The following FHIP2A variants were observed in gnomAD, a reference collection of about 807,000 sequenced individuals.
The protein encoded by FHIP2A is FHF complex subunit HOOK interacting protein 2A.
A neutral mutation model predicts 93.5 loss-of-function variants in FHIP2A; 46 were observed. That is an observed-to-expected ratio of 0.49 (90% confidence interval 0.39 to 0.63). The LOEUF (loss-of-function observed/expected upper bound fraction) is 0.63. FHIP2A is among the 20% of genes least tolerant of loss of function. The pLI is 0.00. For synonymous variants in FHIP2A, 332 were observed against 326.5 expected, an observed-to-expected ratio of 1.02 and a Z score of -0.18; for missense variants, 769 against 909.7, an observed-to-expected ratio of 0.85 and a Z score of 1.99.
Position 114,833,404 on chromosome 10 carries a change from T to C in FHIP2A, c.294+2T>C. ...TTATATACCTTGGGGAAAGCTGATGTAAGTTCCTGATCCACACCATGTTCT... is the reference window on the plus strand; with the variant it reads ...TTATATACCTTGGGGAAAGCTGATGCAAGTTCCTGATCCACACCATGTTCT... On this transcript the variant is annotated splice_donor_variant, in intron 3 of 16. Coordinates refer to ENST00000369248, the MANE Select transcript of FHIP2A (RefSeq NM_020940.4). LOFTEE classifies it high-confidence loss of function. 6.2e-7 allele frequency: 1 copy of C among 1,613,452 alleles called. No homozygotes were observed. The highest frequency in any genetic ancestry group is 8.5e-7 in the Non-Finnish European group (1 of 1,179,634).
At chr10:114,843,509 G>A (rs1337087118) in intron 6 of FHIP2A, among the ~76,000 whole-genome samples, 2 of 151,886 alleles carry the variant, frequency 1.3e-5, no homozygotes, top group Non-Finnish European at 2.9e-5. Context: ...TCACCATGTT[G>A]ACCAGGCTGG....
chr10:114,869,991 A>G (rs753944412), intron 16 of FHIP2A, among the ~76,000 whole-genome samples: 10 of 152,224 alleles, frequency 6.6e-5, no homozygotes, highest in Non-Finnish European at 1.3e-4. Flanking sequence ...ATGGAAAGGA[A>G]AAGACTAGGG....
At chr10:114,873,084 G>A (rs931386549) in intron 16 of FHIP2A, among the ~76,000 whole-genome samples, 1 of 152,218 alleles carries the variant, frequency 6.6e-6, no homozygotes, top group African/African-American at 2.4e-5. Context: ...GAGTTGAGAT[G>A]ATCAGAACCT....
At chr10:114,844,951 AT>A (rs5788084) in intron 7 of FHIP2A, among the ~76,000 whole-genome samples, 61,760 of 140,858 alleles carry the variant, frequency 0.44, 12,553 homozygotes, top group Non-Finnish European at 0.47. Context: ...TGCCCAGCTA[AT>A]TTTTTTTTTT....
chr10:114,850,671 G>A (rs1304968236), intron 13 of FHIP2A, among the ~76,000 whole-genome samples: 2 of 152,132 alleles, frequency 1.3e-5, no homozygotes, highest in Non-Finnish European at 2.9e-5. Context: ...CTGCACTCCA[G>A]CCTGGGCAAC....
At chr10:114,891,613 G>A (rs976234737) in intron 16 of FHIP2A, among the ~76,000 whole-genome samples, 2 of 144,828 alleles carry the variant, frequency 1.4e-5, no homozygotes, top group Non-Finnish European at 3.1e-5. Flanking sequence ...GTGTGTGTGT[G>A]TATATACATA....
intron 13 of FHIP2A, among the ~76,000 whole-genome samples, chr10:114,851,816 T>G (rs2083738609): frequency 6.6e-6 from 1 of 152,088 alleles, no homozygotes; most frequent in Non-Finnish European, 1.5e-5. Context: ...ATATTAAGTT[T>G]TCCAATTCAT....
At chr10:114,847,286 T>G in intron 12 of FHIP2A, 53 bp downstream of exon 12, 1 of 1,501,270 alleles carries the variant, frequency 6.7e-7, no homozygotes. Context: ...TTGTTTTTGT[T>G]TATTAGTATT....
chr10:114,833,985 C>G (rs1484066138), intron 3 of FHIP2A, among the ~76,000 whole-genome samples: 3 of 152,178 alleles, frequency 2.0e-5, no homozygotes, highest in Admixed American at 2.0e-4. Context: ...CCAGTCCTGA[C>G]ATCATTATTC....
intron 16 of FHIP2A, among the ~76,000 whole-genome samples, chr10:114,877,329 T>G (rs1488762465): frequency 6.6e-6 from 1 of 152,134 alleles, no homozygotes; most frequent in African/African-American, 2.4e-5. Context: ...ATTCATTCAA[T>G]TAGTAGGGCA....
intron 16 of FHIP2A, among the ~76,000 whole-genome samples, chr10:114,872,423 T>C (rs1566382746): frequency 2.0e-5 from 3 of 152,224 alleles, no homozygotes; most frequent in South Asian, 4.1e-4. Flanking sequence ...AATTTAATTA[T>C]GGTTCTTTTT....
chr10:114,866,290 A>G (rs1403764027), downstream of FHIP2A, among the ~76,000 whole-genome samples: 1 of 152,220 alleles, frequency 6.6e-6, no homozygotes, highest in African/African-American at 2.4e-5. Context: ...TGCAAAGGAC[A>G]TGATCTCCTT....
At chr10:114,889,786 G>A (rs2083961439) in intron 16 of FHIP2A, among the ~76,000 whole-genome samples, 1 of 152,190 alleles carries the variant, frequency 6.6e-6, no homozygotes, top group African/African-American at 2.4e-5. Context: ...GGCCCTCCAA[G>A]GGTTGCTCCT....
intron 16 of FHIP2A, among the ~76,000 whole-genome samples, chr10:114,870,251 G>A: frequency 6.6e-6 from 1 of 152,100 alleles, no homozygotes. Context: ...TGTTGGATAG[G>A]CGCAAATGCT....
At position 114,862,562 on chromosome 10, in the gene FHIP2A, CAG is replaced by C; in HGVS notation, c.*1025_*1026del. 8.1e-6 allele frequency: 8 copies of C among 987,200 alleles called. No individual in the cohort carries two copies. Among genetic ancestry groups the C allele is most frequent in the Non-Finnish European group, 9.6e-6 (8 of 829,918 alleles). 61.2% of individuals were successfully genotyped at this position (987,200 alleles called of 1,614,324 possible). On this transcript the variant is annotated 3_prime_UTR_variant, in exon 17 of 17. Transcript: ENST00000369248. ...ATGATTCTAAAGAGATTAAAGAAAACAGAGTTTTAAATGTCCTATTTACATGT... is the reference window on the plus strand; with the variant it reads ...ATGATTCTAAAGAGATTAAAGAAAACAGTTTTAAATGTCCTATTTACATGT...
intron 14 of FHIP2A, among the ~76,000 whole-genome samples, chr10:114,859,347 C>T (rs1041550717): frequency 3.3e-5 from 5 of 152,160 alleles, no homozygotes; most frequent in African/African-American, 4.8e-5. Context: ...GGCGTGTGCC[C>T]GAGCATTCTC....
intron 16 of FHIP2A, among the ~76,000 whole-genome samples, chr10:114,874,295 C>G (rs1209902400): frequency 1.3e-5 from 2 of 152,120 alleles, no homozygotes; most frequent in Non-Finnish European, 2.9e-5. Context: ...CACATCCTAA[C>G]AGGTTAAAGA....
intron 8 of FHIP2A, 26 bp from the exon 9 acceptor site, chr10:114,845,987 A>G: frequency 3.9e-6 from 6 of 1,552,560 alleles, no homozygotes; most frequent in Non-Finnish European, 5.3e-6. Context: ...ATTAAAAAAA[A>G]AAATGATGTT....
intron 5 of FHIP2A, among the ~76,000 whole-genome samples, chr10:114,840,293 A>T (rs1303930770): frequency 6.6e-6 from 1 of 152,230 alleles, no homozygotes; most frequent in East Asian, 1.9e-4. Flanking sequence ...AGGAATGAAG[A>T]TGTAAAAGTT....
Sources: allele counts gnomAD v4.1 joint callset (sites outside exome capture counted in the v4.1 genomes callset), GRCh38; gene constraint gnomAD v4.1.1; transcripts MANE v1.5; gene names NCBI Gene and HGNC (gene_info 2026-07-23, HGNC 2026-07-21).